Variants in RSU1 observed in about 807,000 individuals in gnomAD.
RSU1 encodes rsu-1.
RSU1 carries 26 observed loss-of-function variants against 31.1 expected under a neutral mutation model. The observed-to-expected ratio is 0.84, with a 90% confidence interval of 0.61 to 1.16. RSU1 has a LOEUF of 1.16. Among genes scored for constraint, RSU1 ranks in the 50% most tolerant of loss-of-function variants. RSU1 has a pLI of 0.00. For missense variants in RSU1, 320 were observed against 339.1 expected, an observed-to-expected ratio of 0.94 and a Z score of 0.44; for synonymous variants, 164 against 136.3, an observed-to-expected ratio of 1.20 and a Z score of -1.41.
Position 16,782,100 on chromosome 10 carries a change from A to G in RSU1, c.110-16T>C. ...GATAAGGTAACTAAAAAGAAAAGAA[A>G]AAAAAAAAGGTCAGTCAGTAAATGT... On this transcript the variant is annotated splice_polypyrimidine_tract_variant and intron_variant, in intron 2 of 8. Transcript: ENST00000345264. The G allele has an allele frequency of 6.2e-7, 1 of 1,607,894 alleles. No homozygotes were observed. Among genetic ancestry groups the G allele is most frequent in the Non-Finnish European group, 8.5e-7 (1 of 1,176,774 alleles).
chr10:16,608,789 T>TA (rs141455011), intron 8 of RSU1, among the ~76,000 whole-genome samples: 2,049 of 152,184 alleles, frequency 0.013, 45 homozygotes, highest in African/African-American at 0.046. Context: ...GTTTAAAGTT[T>TA]AAAAAAATAC....
At chr10:16,689,277 T>C (rs1039731615) in intron 8 of RSU1, among the ~76,000 whole-genome samples, 3 of 152,234 alleles carry the variant, frequency 2.0e-5, no homozygotes, top group Non-Finnish European at 4.4e-5. Flanking sequence ...CTTCATCAGA[T>C]GTTTATTAAG....
chr10:16,762,813 GA>G (rs1588519200), intron 4 of RSU1, among the ~76,000 whole-genome samples: 1 of 152,014 alleles, frequency 6.6e-6, no homozygotes, highest in Non-Finnish European at 1.5e-5. Context: ...AAGAGATTGA[GA>G]CCATCCTGGC....
chr10:16,811,550 G>T (rs750758504), intron 2 of RSU1, among the ~76,000 whole-genome samples: 2 of 152,128 alleles, frequency 1.3e-5, no homozygotes, highest in African/African-American at 2.4e-5. Context: ...TTACAAAAAA[G>T]CCACCAGGGC....
chr10:16,593,165 C>T lies in RSU1; in HGVS notation c.*229G>A. ...AGTTGAATAAGAGCTTTGTTCCCTGCTTTTGGTAATGTTAAAGAAACAAAT... is the reference window on the plus strand; with the variant it reads ...AGTTGAATAAGAGCTTTGTTCCCTGTTTTTGGTAATGTTAAAGAAACAAAT... On this transcript the variant is annotated 3_prime_UTR_variant, in exon 9 of 9. Coordinates refer to ENST00000345264, the MANE Select transcript of RSU1 (RefSeq NM_012425.4). The T allele has an allele frequency of 1.4e-6, 1 of 715,070 alleles. No individual in the cohort carries two copies. The highest frequency in any genetic ancestry group is 3.2e-5 in the South Asian group (1 of 30,806). 44.3% of individuals were successfully genotyped at this position (715,070 alleles called of 1,614,324 possible).
chr10:16,668,294 C>G (rs990058893), intron 8 of RSU1, among the ~76,000 whole-genome samples: 1 of 151,964 alleles, frequency 6.6e-6, no homozygotes, highest in Non-Finnish European at 1.5e-5. Context: ...GGGTAGACTC[C>G]CAAAGGAAAG....
intron 2 of RSU1, among the ~76,000 whole-genome samples, chr10:16,798,023 G>A (rs148502264): frequency 0.018 from 2,738 of 151,914 alleles, 76 homozygotes; most frequent in East Asian, 0.082. Flanking sequence ...CACCACGCCC[G>A]GCTAATTCTT....
intron 8 of RSU1, among the ~76,000 whole-genome samples, chr10:16,690,426 AGAC>A (rs1283321138): frequency 7.9e-5 from 12 of 152,170 alleles, no homozygotes; most frequent in African/African-American, 2.9e-4. Flanking sequence ...CTTCCACCTG[AGAC>A]ATGATGAAGG....
intron 8 of RSU1, among the ~76,000 whole-genome samples, chr10:16,691,439 A>G (rs1241294085): frequency 1.3e-5 from 2 of 148,504 alleles, no homozygotes; most frequent in Non-Finnish European, 3.0e-5. Flanking sequence ...CTAACAGTCC[A>G]TATTTTGGGC....
intron 7 of RSU1, among the ~76,000 whole-genome samples, chr10:16,731,109 C>T (rs1251663388): frequency 5.3e-5 from 8 of 152,088 alleles, no homozygotes; most frequent in Non-Finnish European, 8.8e-5. Flanking sequence ...CCATGGCACC[C>T]GGCCTTGTAA....
intron 4 of RSU1, among the ~76,000 whole-genome samples, chr10:16,762,708 T>C (rs1837233941): frequency 6.6e-6 from 1 of 151,982 alleles, no homozygotes; most frequent in South Asian, 2.1e-4. Context: ...ATGAATGAGA[T>C]TTTTTTTCAT....
rs769552104 is a variant in RSU1, at chr10:16,817,122, G to A, written c.-3-38C>T. 13 of 1,457,322 alleles carry A rather than the reference G, an allele frequency of 8.9e-6. No homozygotes were observed. In the South Asian group the frequency reaches 1.3e-4, roughly 14 times the overall value. 90.3% of individuals were successfully genotyped at this position (1,457,322 alleles called of 1,614,324 possible). ...ACAACAAAGCACGTGGGCGATGACA[G>A]CAAGCGCAGAGGCGGAAAGGCAAGA... is the stretch of plus-strand genomic sequence containing the variant. On this transcript the variant is annotated intron_variant, in intron 1 of 8. Transcript: ENST00000345264.
At chr10:16,699,729 C>A (rs940598818) in intron 7 of RSU1, among the ~76,000 whole-genome samples, 2 of 152,210 alleles carry the variant, frequency 1.3e-5, no homozygotes, top group African/African-American at 4.8e-5. Flanking sequence ...CTGGCTGGCT[C>A]CCAGACACAG....
intron 8 of RSU1, 52 bp downstream of exon 8, chr10:16,694,971 T>C (rs1481693258): frequency 1.3e-6 from 2 of 1,506,190 alleles, no homozygotes; most frequent in Middle Eastern, 1.7e-4. Flanking sequence ...GGCGTAATTA[T>C]AAATACTATA....
At chr10:16,770,529 G>A (rs1837404229) in intron 3 of RSU1, among the ~76,000 whole-genome samples, 1 of 152,208 alleles carries the variant, frequency 6.6e-6, no homozygotes, top group Non-Finnish European at 1.5e-5. Context: ...GTTGGGGGCT[G>A]CACTACACCC....
At chr10:16,792,745 A>T (rs1006891857) in intron 2 of RSU1, among the ~76,000 whole-genome samples, 1 of 152,218 alleles carries the variant, frequency 6.6e-6, no homozygotes, top group Non-Finnish European at 1.5e-5. Flanking sequence ...GTTCTAGACC[A>T]CAAAGAATTA....
At chr10:16,689,255 C>T (rs982146345) in intron 8 of RSU1, among the ~76,000 whole-genome samples, 7 of 152,180 alleles carry the variant, frequency 4.6e-5, no homozygotes, top group Admixed American at 3.9e-4. Context: ...TAGCTCTGTG[C>T]ACCCATTTAT....
At chr10:16,804,113 G>A (rs1427567049) in intron 2 of RSU1, among the ~76,000 whole-genome samples, 1 of 152,046 alleles carries the variant, frequency 6.6e-6, no homozygotes, top group Non-Finnish European at 1.5e-5. Context: ...ATAAAAAAAA[G>A]ACTTAAAACT....
At chr10:16,704,249 T>G (rs1037810263) in intron 7 of RSU1, among the ~76,000 whole-genome samples, 1 of 152,104 alleles carries the variant, frequency 6.6e-6, no homozygotes, top group Non-Finnish European at 1.5e-5. Flanking sequence ...ATAATATTGG[T>G]TTTTATTTGT....
Sources: allele counts gnomAD v4.1 joint callset (sites outside exome capture counted in the v4.1 genomes callset), GRCh38; gene constraint gnomAD v4.1.1; transcripts MANE v1.5; gene names NCBI Gene and HGNC (gene_info 2026-07-23, HGNC 2026-07-21).